Variants in TSEN2 observed in about 807,000 individuals in gnomAD.
TSEN2 encodes tRNA splicing endonuclease subunit 2, also known as tRNA-splicing endonuclease subunit Sen2.
In TSEN2, 54 loss-of-function variants were observed where a neutral mutation model predicts 59.2. The observed-to-expected ratio is 0.91, with a 90% CI of 0.73 to 1.14. TSEN2 has a LOEUF of 1.14. Ranked by LOEUF, TSEN2 falls within the 50% of genes most tolerant of loss-of-function variation. TSEN2 has a pLI of 0.00. For synonymous variants in TSEN2, 195 were observed against 198.2 expected (o/e 0.98, Z 0.14); for missense variants, 636 against 576.2 (o/e 1.10, Z -1.06).
chr3:12,532,767 G>C lies in TSEN2; in HGVS notation c.*46G>C, dbSNP rs746310116. On this transcript the variant is annotated 3_prime_UTR_variant, in exon 12 of 12. Transcript: ENST00000284995. Reference sequence around the variant, plus strand: ...AATTTCACCAACAACTATTTATTGAGGGCTAGGTAAAAAGTTCTTTTTGTT... The same window carrying C: ...AATTTCACCAACAACTATTTATTGACGGCTAGGTAAAAAGTTCTTTTTGTT... 5.0e-6 allele frequency: 8 copies of C among 1,592,868 alleles called. No individual in the cohort carries two copies. In the Admixed American group the frequency reaches 1.3e-4, roughly 27 times the overall value.
chr3:12,500,073 G>A (rs1575285878), intron 4 of TSEN2, among the ~76,000 whole-genome samples: 1 of 152,192 alleles, frequency 6.6e-6, no homozygotes, highest in African/African-American at 2.4e-5. Context: ...GGTCCTGGAT[G>A]GTGCTGCTTT....
chr3:12,501,454 G>T (rs1013990901), intron 4 of TSEN2, among the ~76,000 whole-genome samples: 4 of 152,208 alleles, frequency 2.6e-5, no homozygotes, highest in Non-Finnish European at 4.4e-5. Flanking sequence ...AGGCATCCCT[G>T]ATGTTCATCC....
chr3:12,519,082 C>G lies in TSEN2; in HGVS notation c.984C>G (p.Leu328=). The change falls in exon 8 of 12, where the codon CTC becomes CTG. Residue 328 remains leucine (L), a synonymous_variant. Coordinates refer to ENST00000284995, the MANE Select transcript of TSEN2 (RefSeq NM_025265.4). ...AGGAGCCTTTAACGATAGTGAAGCT[C>G]TGGAAAGCTTTCACTGTAGTTCAGC... ...YEKEPLTIVK[L]WKAFTVVQPT... is the part of the protein sequence containing the mutation. 6.2e-7 allele frequency: 1 copy of G among 1,614,152 alleles called. No homozygotes were observed. The highest frequency in any genetic ancestry group is 8.5e-7 in the Non-Finnish European group (1 of 1,180,022).
At chr3:12,488,344 C>T (rs2052850064) in intron 1 of TSEN2, among the ~76,000 whole-genome samples, 1 of 152,202 alleles carries the variant, frequency 6.6e-6, no homozygotes. Flanking sequence ...CTTCAAGCAC[C>T]AGGTAAGCTC....
At chr3:12,512,528 T>C (rs537614183) in intron 6 of TSEN2, among the ~76,000 whole-genome samples, 1 of 152,352 alleles carries the variant, frequency 6.6e-6, no homozygotes, top group South Asian at 2.1e-4. Context: ...GTCTCTAAAT[T>C]GTTGATAATG....
intron 4 of TSEN2, among the ~76,000 whole-genome samples, chr3:12,500,171 A>T (rs752288636): frequency 1.2e-4 from 19 of 152,026 alleles, no homozygotes; most frequent in Non-Finnish European, 2.4e-4. Context: ...TTTACTTCTC[A>T]TTTCTCTTCC....
chr3:12,525,717 T>C (rs1478245567), intron 8 of TSEN2, among the ~76,000 whole-genome samples: 1 of 152,038 alleles, frequency 6.6e-6, no homozygotes, highest in African/African-American at 2.4e-5. Flanking sequence ...TTACCACAGC[T>C]AATTTTTTTT....
At position 12,489,904 on chromosome 3, in the gene TSEN2, A is replaced by G. The variant is rs755852816; in HGVS notation, c.104A>G (p.Lys35Arg). ...TTTGGTCAGGACCATGGTCCTCTGA[A>G]AGAATTCAAGATATTCCGTGCTGAA... ...IPFGQDHGPL[K>R]EFKIFRAEMI... The change falls in exon 2 of 12, where the codon AAA becomes AGA. Residue 35 changes from lysine to arginine, a missense_variant. Coordinates refer to ENST00000284995, the MANE Select transcript of TSEN2 (RefSeq NM_025265.4). 1.2e-6 allele frequency: 2 copies of G among 1,614,182 alleles called. No individual in the cohort carries two copies. Among genetic ancestry groups the G allele is most frequent in the East Asian group, 2.2e-5 (1 of 44,886 alleles).
intron 8 of TSEN2, among the ~76,000 whole-genome samples, chr3:12,520,100 G>A (rs1421610230): frequency 1.3e-5 from 2 of 151,480 alleles, no homozygotes; most frequent in African/African-American, 4.9e-5. Flanking sequence ...ATGGGTTCAC[G>A]CCGTTCTCCT....
intron 6 of TSEN2, among the ~76,000 whole-genome samples, chr3:12,508,074 C>T (rs1294647527): frequency 1.3e-5 from 2 of 152,108 alleles, no homozygotes; most frequent in African/African-American, 2.4e-5. Flanking sequence ...AGGGGAGTGG[C>T]AGTGACCAGA....
At chr3:12,490,660 T>C (rs995960034) in intron 2 of TSEN2, among the ~76,000 whole-genome samples, 1 of 152,238 alleles carries the variant, frequency 6.6e-6, no homozygotes, top group African/African-American at 2.4e-5. Flanking sequence ...TCAGTGATTG[T>C]CATAAATTTA....
chr3:12,529,030 T>C, intron 9 of TSEN2, 106 bp downstream of exon 9: 1 of 1,143,502 alleles, frequency 8.7e-7, no homozygotes, highest in South Asian at 1.2e-5. Context: ...ATGTTCTTCC[T>C]GGCCTGATAC....
In TSEN2 at chr3:12,533,030, C is replaced by T. The variant is rs950562966; in HGVS notation, c.*309C>T. The T allele has an allele frequency of 6.5e-6, 3 of 458,366 alleles. No homozygotes were observed. The highest frequency in any genetic ancestry group is 5.9e-5 in the African/African-American group (3 of 50,964). 28.4% of individuals were successfully genotyped at this position (458,366 alleles called of 1,614,324 possible). A position where few individuals can be genotyped will look rare whatever the true frequency, so the allele number is the denominator to read the frequency against. ...GGACTAGAGGAGTCCTGAGAGGACA[C>T]TTCCAACAAGAGACATTTATTCTCT... On this transcript the variant is annotated 3_prime_UTR_variant, in exon 12 of 12. Coordinates refer to ENST00000284995, the MANE Select transcript of TSEN2 (RefSeq NM_025265.4).
chr3:12,488,928 A>G (rs139372246), intron 1 of TSEN2, among the ~76,000 whole-genome samples: 6 of 152,282 alleles, frequency 3.9e-5, no homozygotes, highest in Admixed American at 3.3e-4. Flanking sequence ...TCTGTTTCCT[A>G]TTTGTAAAAT....
chr3:12,494,702 A>G (rs2053566052), intron 3 of TSEN2, among the ~76,000 whole-genome samples: 1 of 151,778 alleles, frequency 6.6e-6, no homozygotes, highest in South Asian at 2.1e-4. Flanking sequence ...CGCCTGACCA[A>G]TTTTTTTTAA....
At chr3:12,515,226 GC>G (rs2055936518) in intron 6 of TSEN2, among the ~76,000 whole-genome samples, 1 of 152,168 alleles carries the variant, frequency 6.6e-6, no homozygotes. Context: ...TATTACTTGT[GC>G]TGTCTTTTGT....
intron 9 of TSEN2, among the ~76,000 whole-genome samples, chr3:12,529,416 A>G (rs990373106): frequency 1.3e-5 from 2 of 151,078 alleles, no homozygotes; most frequent in African/African-American, 4.9e-5. Context: ...CGGTGAGCCA[A>G]GATCGCACCA....
intron 3 of TSEN2, among the ~76,000 whole-genome samples, chr3:12,496,146 G>A (rs1323226056): frequency 1.3e-5 from 2 of 152,220 alleles, no homozygotes; most frequent in Non-Finnish European, 2.9e-5. Flanking sequence ...AGTGAAGAGG[G>A]AAGAATGGAG....
Position 12,492,172 on chromosome 3 carries a change from C to T in TSEN2, c.226C>T (p.Pro76Ser). Residue 76 changes from proline to serine, a missense_variant, in exon 3 of 12, where the codon CCA becomes TCA. Coordinates refer to ENST00000284995, the MANE Select transcript of TSEN2 (RefSeq NM_025265.4). ...FGKGILSRSR[P>S]SFTISDPKLV... The stretch of plus-strand genomic sequence containing the variant: ...AAAAGGTATTCTTTCAAGAAGCCGT[C>T]CAAGCTTCACAATTTCAGATCCTAA... 1.2e-6 allele frequency: 2 copies of T among 1,614,128 alleles called. No individual in the cohort carries two copies. Among genetic ancestry groups the T allele is most frequent in the Non-Finnish European group, 1.7e-6 (2 of 1,180,002 alleles).
Sources: allele counts gnomAD v4.1 joint callset (sites outside exome capture counted in the v4.1 genomes callset), GRCh38; gene constraint gnomAD v4.1.1; transcripts MANE v1.5; gene names NCBI Gene and HGNC (gene_info 2026-07-23, HGNC 2026-07-21).